Variants in NRG1 observed in about 807,000 individuals in gnomAD.
The protein encoded by NRG1 is pro-neuregulin-1, membrane-bound isoform.
Under a neutral mutation model 63.8 loss-of-function variants are expected in NRG1, and 18 were observed. That is an observed-to-expected ratio of 0.28 (90% confidence interval 0.19 to 0.42). The LOEUF (loss-of-function observed/expected upper bound fraction) is 0.42. Among genes scored for constraint, NRG1 ranks in the 10% least tolerant of loss-of-function variants. NRG1 has a pLI of 1.00. For synonymous variants in NRG1, 302 were observed against 301.3 expected (o/e 1.00, Z -0.02); for missense variants, 762 against 814.7 (o/e 0.94, Z 0.79).
At chr8:32,717,079 A>G (rs1819430876) in intron 5 of NRG1, among the ~76,000 whole-genome samples, 1 of 152,136 alleles carries the variant, frequency 6.6e-6, no homozygotes, top group South Asian at 2.1e-4. Flanking sequence ...TTTAGGCATA[A>G]TGTAAAGTTA....
chr8:32,648,361 A>G, intron 5 of NRG1: 2 of 1,614,006 alleles, frequency 1.2e-6, no homozygotes, highest in Non-Finnish European at 1.7e-6. Context: ...ACAGAAACTA[A>G]TCTCCAAACT....
intron 1 of NRG1, among the ~76,000 whole-genome samples, chr8:32,110,380 G>A (rs989294813): frequency 3.3e-5 from 5 of 152,120 alleles, no homozygotes; most frequent in African/African-American, 1.2e-4. Context: ...TGAGAAACCA[G>A]CAGTGTTTTT....
chr8:31,677,322 C>A (rs1807811597), intron 1 of NRG1, among the ~76,000 whole-genome samples: 1 of 152,070 alleles, frequency 6.6e-6, no homozygotes, highest in Non-Finnish European at 1.5e-5. Context: ...TAAAAAATTT[C>A]AAGTGTTTTT....
chr8:32,253,946 A>G (rs1016801300), intron 1 of NRG1, among the ~76,000 whole-genome samples: 4 of 152,014 alleles, frequency 2.6e-5, no homozygotes, highest in African/African-American at 9.7e-5. Context: ...GAGTTTATCA[A>G]TTTCTTCTAG....
chr8:32,532,182 A>G (rs1463949364), intron 1 of NRG1, among the ~76,000 whole-genome samples: 1 of 152,206 alleles, frequency 6.6e-6, no homozygotes. Flanking sequence ...TACTGGGATT[A>G]TGGATTAATC....
intron 1 of NRG1, among the ~76,000 whole-genome samples, chr8:32,304,152 A>G (rs1015316754): frequency 6.6e-6 from 1 of 152,248 alleles, no homozygotes; most frequent in Non-Finnish European, 1.5e-5. Context: ...TTAAAATAGT[A>G]CTGAAGTTTT....
chr8:32,036,440 G>A (rs1819074264), intron 1 of NRG1, among the ~76,000 whole-genome samples: 1 of 151,958 alleles, frequency 6.6e-6, no homozygotes, highest in Non-Finnish European at 1.5e-5. Context: ...TATCTTACTG[G>A]GGTTCTCTGG....
chr8:32,548,163 G>T (rs951199886), upstream of NRG1: 205 of 947,090 alleles, frequency 2.2e-4, no homozygotes, highest in Non-Finnish European at 2.6e-4. Flanking sequence ...TCCCGGTGGC[G>T]TGTCCGCGCC....
At chr8:32,693,503 A>G (rs1812406387) in intron 5 of NRG1, among the ~76,000 whole-genome samples, 2 of 149,884 alleles carry the variant, frequency 1.3e-5, no homozygotes, top group Non-Finnish European at 1.5e-5. Context: ...GGCGTGAGCC[A>G]CCACACCCGG....
chr8:32,657,547 G>C (rs944335490), intron 5 of NRG1, among the ~76,000 whole-genome samples: 4 of 152,186 alleles, frequency 2.6e-5, no homozygotes, highest in Non-Finnish European at 4.4e-5. Flanking sequence ...ACCATGATTA[G>C]CCTGATGACT....
intron 1 of NRG1, among the ~76,000 whole-genome samples, chr8:32,068,325 A>G (rs1050219843): frequency 6.6e-6 from 1 of 152,216 alleles, no homozygotes; most frequent in African/African-American, 2.4e-5. Flanking sequence ...TAATTGCAAA[A>G]GCAGTGGTCA....
At chr8:32,070,548 A>C (rs1212397008) in intron 1 of NRG1, among the ~76,000 whole-genome samples, 1 of 152,122 alleles carries the variant, frequency 6.6e-6, no homozygotes, top group African/African-American at 2.4e-5. Context: ...TTATCCAGTG[A>C]CTCAGTGCAG....
exon 12 of NRG1, chr8:32,766,576 A>T (rs761011869): frequency 2.0e-5 from 3 of 152,250 alleles, no homozygotes; most frequent in African/African-American, 7.2e-5. Context: ...TTCTTTGGGC[A>T]TTGGGGTACT....
intron 1 of NRG1, among the ~76,000 whole-genome samples, chr8:31,795,996 T>C (rs1586472377): frequency 6.6e-6 from 1 of 152,336 alleles, no homozygotes; most frequent in Middle Eastern, 3.4e-3. Flanking sequence ...AACATGTTTA[T>C]TGTTGTGGAG....
At chr8:31,757,540 C>T (rs1226445573) in intron 1 of NRG1, among the ~76,000 whole-genome samples, 1 of 152,064 alleles carries the variant, frequency 6.6e-6, no homozygotes, top group Non-Finnish European at 1.5e-5. Flanking sequence ...TCCTGGTTTT[C>T]TCATGGGCAG....
chr8:32,467,318 A>C lies in NRG1; in HGVS notation c.38-128510A>C, dbSNP rs183729733. Among the ~76,000 whole-genome samples, 99 of 152,214 alleles carry C rather than the reference A, an allele frequency of 6.5e-4. 1 individual carries two copies. The highest frequency in any genetic ancestry group is 3.2e-3 in the Admixed American group (49 of 15,276). On this transcript the variant is annotated intron_variant, in intron 1 of 10. Coordinates refer to the NRG1 transcript ENST00000519301. ...CTGGGAAGGAAGAAAGCTCGTCTCC[A>C]TCAGCCTTTTGTCAGAGCCCGCCTT...
intron 1 of NRG1, among the ~76,000 whole-genome samples, chr8:32,449,781 A>T (rs947162629): frequency 6.6e-6 from 1 of 152,208 alleles, no homozygotes; most frequent in Non-Finnish European, 1.5e-5. Context: ...TTAAAAATTC[A>T]TCTATTAACT....
intron 1 of NRG1, among the ~76,000 whole-genome samples, chr8:32,577,871 C>T (rs1839946404): frequency 1.3e-5 from 2 of 152,204 alleles, no homozygotes; most frequent in Non-Finnish European, 2.9e-5. Context: ...TCTGTGCCAT[C>T]AGCTTTTCCA....
At chr8:32,263,380 T>C (rs1850588300) in intron 1 of NRG1, among the ~76,000 whole-genome samples, 1 of 152,120 alleles carries the variant, frequency 6.6e-6, no homozygotes, top group Non-Finnish European at 1.5e-5. Flanking sequence ...GGGACATGCA[T>C]GTGTGAGCGA....
Sources: allele counts gnomAD v4.1 joint callset (sites outside exome capture counted in the v4.1 genomes callset), GRCh38; gene constraint gnomAD v4.1.1; transcripts MANE v1.5; gene names NCBI Gene and HGNC (gene_info 2026-07-23, HGNC 2026-07-21).